Variants in MYT1L observed in about 807,000 individuals in gnomAD.
The protein encoded by MYT1L is myelin transcription factor 1-like protein.
MYT1L carries 12 observed loss-of-function variants against 126.7 expected under a neutral mutation model. The ratio of observed to expected loss-of-function variants is 0.09; its 90% confidence interval spans 0.06 to 0.15. The LOEUF is 0.15. MYT1L is among the 10% of genes least tolerant of loss of function. The pLI is 1.00. For synonymous variants in MYT1L, 541 were observed against 604.2 expected (o/e 0.90, Z 1.53); for missense variants, 979 against 1,585.2 (o/e 0.62, Z 6.49).
At chr2:2,289,024 C>T (rs1295177092) in intron 1 of MYT1L, among the ~76,000 whole-genome samples, 1 of 152,232 alleles carries the variant, frequency 6.6e-6, no homozygotes, top group Non-Finnish European at 1.5e-5. Context: ...AGCTTTCCTG[C>T]AGGCTTCTGC....
chr2:1,998,048 G>A (rs1268208957), intron 4 of MYT1L, among the ~76,000 whole-genome samples: 2 of 152,144 alleles, frequency 1.3e-5, no homozygotes, highest in African/African-American at 4.8e-5. Context: ...TTCCCACCAT[G>A]AATTAAGGCC....
intron 19 of MYT1L, among the ~76,000 whole-genome samples, chr2:1,844,414 T>C (rs2042229737): frequency 6.6e-6 from 1 of 152,210 alleles, no homozygotes; most frequent in Admixed American, 6.5e-5. Flanking sequence ...TTGTTCAGTA[T>C]TTAAAACTTC....
At chr2:2,247,690 C>T (rs888327092) in intron 2 of MYT1L, among the ~76,000 whole-genome samples, 4 of 152,054 alleles carry the variant, frequency 2.6e-5, no homozygotes, top group Non-Finnish European at 5.9e-5. Context: ...TCTCTGATCA[C>T]AATGGAATAA....
At chr2:2,274,378 G>A (rs1034820113) in intron 2 of MYT1L, among the ~76,000 whole-genome samples, 16 of 151,926 alleles carry the variant, frequency 1.1e-4, no homozygotes, top group Non-Finnish European at 2.2e-4. Context: ...GAGGGAGGGA[G>A]AGAGGACAGT....
chr2:2,260,628 C>A (rs1181861877), intron 2 of MYT1L, among the ~76,000 whole-genome samples: 1 of 151,860 alleles, frequency 6.6e-6, no homozygotes, highest in Non-Finnish European at 1.5e-5. Context: ...TTTTTTCTAT[C>A]TTACAGAAGC....
chr2:1,872,539 A>G (rs1224743062), intron 18 of MYT1L, among the ~76,000 whole-genome samples: 1 of 152,254 alleles, frequency 6.6e-6, no homozygotes, highest in African/African-American at 2.4e-5. Flanking sequence ...GTACCATATT[A>G]GAATAAGGCA....
At chr2:1,946,471 C>T (rs1469647) in intron 8 of MYT1L, among the ~76,000 whole-genome samples, 32,378 of 151,838 alleles carry the variant, frequency 0.21, 3,536 homozygotes, top group East Asian at 0.31. Context: ...GGGGTAGGGG[C>T]AAGAGCTGAG....
chr2:2,317,921 T>G (rs1238543305), intron 1 of MYT1L, among the ~76,000 whole-genome samples: 2 of 152,094 alleles, frequency 1.3e-5, no homozygotes, highest in Non-Finnish European at 2.9e-5. Context: ...TTGGAGGCCA[T>G]GTTGTTATAA....
At chr2:2,002,848 T>A (rs532204549) in intron 4 of MYT1L, among the ~76,000 whole-genome samples, 4 of 152,304 alleles carry the variant, frequency 2.6e-5, no homozygotes, top group Admixed American at 6.5e-5. Context: ...GATGGTTTTA[T>A]GAGTGTCTGG....
intron 11 of MYT1L, among the ~76,000 whole-genome samples, chr2:1,916,278 A>AT: frequency 6.6e-6 from 1 of 152,280 alleles, no homozygotes; most frequent in Middle Eastern, 3.4e-3. Flanking sequence ...AAAGTTACCC[A>AT]TTTTAATGGG....
At chr2:2,298,881 T>C (rs2095741323) in intron 1 of MYT1L, among the ~76,000 whole-genome samples, 1 of 152,176 alleles carries the variant, frequency 6.6e-6, no homozygotes, top group Non-Finnish European at 1.5e-5. Flanking sequence ...TGAGACAGTG[T>C]CTCGCTGTGT....
intron 2 of MYT1L, among the ~76,000 whole-genome samples, chr2:2,199,691 C>G (rs1006242003): frequency 3.3e-5 from 5 of 152,166 alleles, no homozygotes; most frequent in Non-Finnish European, 7.3e-5. Flanking sequence ...TCCTCCTCAC[C>G]TTGGGTCTTA....
chr2:2,114,064 C>G (rs1453063653), intron 3 of MYT1L, among the ~76,000 whole-genome samples: 2 of 151,718 alleles, frequency 1.3e-5, no homozygotes, highest in South Asian at 2.1e-4. Context: ...AACATTACTG[C>G]CTCCATTATA....
chr2:2,243,077 G>A (rs1433229150), intron 2 of MYT1L, among the ~76,000 whole-genome samples: 1 of 152,204 alleles, frequency 6.6e-6, no homozygotes, highest in Non-Finnish European at 1.5e-5. Flanking sequence ...TGGGAGCAGG[G>A]GAGAATGAAG....
intron 1 of MYT1L, among the ~76,000 whole-genome samples, chr2:2,297,770 G>A (rs1015283255): frequency 9.2e-5 from 14 of 152,008 alleles, no homozygotes; most frequent in African/African-American, 3.1e-4. Flanking sequence ...GGACAGCCAG[G>A]AAAATAAAGG....
At chr2:2,100,558 G>A (rs575874214) in intron 3 of MYT1L, among the ~76,000 whole-genome samples, 59 of 152,170 alleles carry the variant, frequency 3.9e-4, no homozygotes, top group African/African-American at 1.4e-3. Context: ...ACCCACTGAG[G>A]TGCCCATTGT....
At chr2:2,218,411 C>A (rs2093756432) in intron 2 of MYT1L, among the ~76,000 whole-genome samples, 1 of 152,202 alleles carries the variant, frequency 6.6e-6, no homozygotes, top group Non-Finnish European at 1.5e-5. Context: ...TTGATACACA[C>A]AGCAAGATGG....
chr2:2,002,608 C>T (rs1408949417), intron 4 of MYT1L, among the ~76,000 whole-genome samples: 2 of 152,148 alleles, frequency 1.3e-5, no homozygotes, highest in Admixed American at 1.3e-4. Flanking sequence ...AATCATTTGT[C>T]CTTACTCACA....
intron 3 of MYT1L, among the ~76,000 whole-genome samples, chr2:2,079,832 G>A (rs570353328): frequency 1.3e-5 from 2 of 151,368 alleles, no homozygotes; most frequent in African/African-American, 4.8e-5. Context: ...AAGAAAGAAA[G>A]AAAATAAATC....
Sources: allele counts gnomAD v4.1 joint callset (sites outside exome capture counted in the v4.1 genomes callset), GRCh38; gene constraint gnomAD v4.1.1; transcripts MANE v1.5; gene names NCBI Gene and HGNC (gene_info 2026-07-23, HGNC 2026-07-21).